LARP1B: variants seen among roughly 807,000 people sequenced by gnomAD.
LARP1B encodes the protein La ribonucleoprotein 1B.
A neutral mutation model predicts 114.2 loss-of-function variants in LARP1B; 76 were observed. The ratio of observed to expected loss-of-function variants is 0.67; its 90% confidence interval spans 0.55 to 0.81. The LOEUF is 0.81. Ranked by LOEUF, LARP1B falls within the 30% of genes least tolerant of loss-of-function variation. LARP1B has a pLI of 0.00. For synonymous variants in LARP1B, 345 were observed against 348.0 expected, an observed-to-expected ratio of 0.99 and a Z score of 0.10; for missense variants, 1,014 against 1,075.8, an observed-to-expected ratio of 0.94 and a Z score of 0.80.
intron 11 of LARP1B, among the ~76,000 whole-genome samples, chr4:128,148,938 C>G (rs1440929970): frequency 6.6e-6 from 1 of 152,226 alleles, no homozygotes; most frequent in East Asian, 1.9e-4. Context: ...GAGGCTAATA[C>G]TTAAAATAAT....
chr4:128,163,977 T>A (rs1739616092), intron 12 of LARP1B, among the ~76,000 whole-genome samples: 1 of 152,146 alleles, frequency 6.6e-6, no homozygotes, highest in South Asian at 2.1e-4. Flanking sequence ...GCCTTTTGAA[T>A]AGAAAGAGCT....
At chr4:128,064,271 C>CAAAAAAATAAAAAAA (rs1761564244) in intron 1 of LARP1B, among the ~76,000 whole-genome samples, 1 of 79,582 alleles carries the variant, frequency 1.3e-5, no homozygotes. Flanking sequence ...GACTCAGTCT[C>CAAAAAAATAAAAAAA]AAAAAAAAAA....
intron 11 of LARP1B, among the ~76,000 whole-genome samples, chr4:128,159,604 T>C (rs1737474335): frequency 6.6e-6 from 1 of 152,172 alleles, no homozygotes; most frequent in Non-Finnish European, 1.5e-5. Flanking sequence ...AGTGGTACAT[T>C]TGTTGCAGTT....
rs557457439 is a variant in LARP1B at position 128,079,337 on chromosome 4, C to T, written c.217+1375C>T. On this transcript the variant is annotated intron_variant, in intron 4 of 19. Transcript: ENST00000326639. ...CTTGAAATCCTGAGCTCAGGCGATC[C>T]ACCTGCCTCGGCCTCCCAAAGTGCT... Among the ~76,000 whole-genome samples, 5 of 152,112 alleles carry T rather than the reference C, an allele frequency of 3.3e-5. No individual in the cohort carries two copies. The East Asian group carries it at 9.7e-4, about 29-fold the overall frequency.
chr4:128,160,655 A>G (rs1353466437), intron 11 of LARP1B, among the ~76,000 whole-genome samples: 1 of 152,216 alleles, frequency 6.6e-6, no homozygotes, highest in African/African-American at 2.4e-5. Flanking sequence ...TAAACATACA[A>G]TAATTATTTA....
At chr4:128,191,701 A>G (rs942405914) in intron 15 of LARP1B, among the ~76,000 whole-genome samples, 1 of 152,142 alleles carries the variant, frequency 6.6e-6, no homozygotes, top group African/African-American at 2.4e-5. Context: ...GGAGAATTTC[A>G]GGGCTAGGGT....
At chr4:128,214,453 TCTGAGAACTGGCAGA>T (rs2150980765), downstream of LARP1B, among the ~76,000 whole-genome samples, 1 of 151,426 alleles carries the variant, frequency 6.6e-6, no homozygotes, top group South Asian at 2.1e-4. Context: ...CAGCTGGAGA[TCTGAGAACTGGCAGA>T]CTGCCTCCTC....
chr4:128,090,575 G>T (rs1236042680), intron 5 of LARP1B, among the ~76,000 whole-genome samples: 2 of 151,866 alleles, frequency 1.3e-5, no homozygotes, highest in Non-Finnish European at 2.9e-5. Context: ...TTCTCAATTT[G>T]TTTTGTGTTT....
At chr4:128,144,694 T>C (rs1368909561) in intron 11 of LARP1B, among the ~76,000 whole-genome samples, 1 of 152,128 alleles carries the variant, frequency 6.6e-6, no homozygotes, top group Non-Finnish European at 1.5e-5. Flanking sequence ...CATTCTGTCT[T>C]AAACTTCACT....
chr4:128,219,749 A>T (rs1200746355), intron 6 of LARP1B, among the ~76,000 whole-genome samples: 1 of 150,578 alleles, frequency 6.6e-6, no homozygotes, highest in Non-Finnish European at 1.5e-5. Context: ...TACATAGGTA[A>T]CTAACCTGCA....
At chr4:128,083,646 A>G (rs1331487246) in intron 5 of LARP1B, among the ~76,000 whole-genome samples, 2 of 114,442 alleles carry the variant, frequency 1.7e-5, no homozygotes, top group African/African-American at 3.3e-5. Flanking sequence ...TCCCTCCCGG[A>G]CGGGGCGGCT....
chr4:128,213,325 A>G (rs1759239193), downstream of LARP1B, among the ~76,000 whole-genome samples: 1 of 152,120 alleles, frequency 6.6e-6, no homozygotes, highest in Non-Finnish European at 1.5e-5. Flanking sequence ...AATAATTTTT[A>G]TTGCTTATTA....
intron 11 of LARP1B, among the ~76,000 whole-genome samples, chr4:128,144,013 T>G (rs1729266302): frequency 6.6e-6 from 1 of 152,134 alleles, no homozygotes; most frequent in African/African-American, 2.4e-5. Context: ...TATTAACATT[T>G]CGAACTAGGT....
chr4:128,081,879 C>G (rs1272402361), intron 4 of LARP1B, among the ~76,000 whole-genome samples: 1 of 152,174 alleles, frequency 6.6e-6, no homozygotes, highest in African/African-American at 2.4e-5. Flanking sequence ...GGATTACTGG[C>G]GTGTGCCACC....
chr4:128,065,319 C>CTCTT (rs1762252401), intron 1 of LARP1B, among the ~76,000 whole-genome samples: 1 of 59,674 alleles, frequency 1.7e-5, no homozygotes, highest in East Asian at 3.7e-4. Flanking sequence ...CTTTCTTTCT[C>CTCTT]TCTCTCTCTC....
chr4:128,146,327 G>A (rs561124688), intron 11 of LARP1B, among the ~76,000 whole-genome samples: 3 of 152,250 alleles, frequency 2.0e-5, no homozygotes, highest in South Asian at 2.1e-4. Flanking sequence ...TAAAAACAAT[G>A]CCAATATAGA....
intron 5 of LARP1B, among the ~76,000 whole-genome samples, chr4:128,083,638 C>A (rs1259849764): frequency 2.1e-5 from 3 of 144,988 alleles, no homozygotes; most frequent in African/African-American, 7.6e-5. Flanking sequence ...CCCCCACCTC[C>A]CTCCCGGACG....
chr4:128,181,256 T>A (rs1486742894), intron 15 of LARP1B, among the ~76,000 whole-genome samples: 1 of 151,236 alleles, frequency 6.6e-6, no homozygotes, highest in African/African-American at 2.4e-5. Flanking sequence ...TGATCTTGGC[T>A]CACTTCAACT....
intron 11 of LARP1B, among the ~76,000 whole-genome samples, chr4:128,138,675 C>T (rs1261881588): frequency 6.6e-6 from 1 of 152,030 alleles, no homozygotes; most frequent in Non-Finnish European, 1.5e-5. Context: ...AAAGGCTAAA[C>T]AGCTGGGCAT....
Sources: allele counts gnomAD v4.1 joint callset (sites outside exome capture counted in the v4.1 genomes callset), GRCh38; gene constraint gnomAD v4.1.1; transcripts MANE v1.5; gene names NCBI Gene and HGNC (gene_info 2026-07-23, HGNC 2026-07-21).